Variants in ERI1 observed in about 807,000 individuals in gnomAD.
ERI1 encodes 3'-5' exoribonuclease 1.
ERI1 carries 39 observed loss-of-function variants against 39.7 expected under a neutral mutation model. The observed-to-expected ratio is 0.98, with a 90% CI of 0.76 to 1.28. The LOEUF (loss-of-function observed/expected upper bound fraction) is 1.28, where lower values mean the gene tolerates loss of function less well. ERI1 is among the 50% of genes most tolerant of loss of function. The pLI is 0.00. For missense variants in ERI1, 581 were observed against 416.9 expected (o/e 1.39, Z -3.43); for synonymous variants, 204 against 149.6 (o/e 1.36, Z -2.65).
chr8:9,017,394 T>C (rs1817419349), intron 4 of ERI1, among the ~76,000 whole-genome samples: 1 of 152,202 alleles, frequency 6.6e-6, no homozygotes. Flanking sequence ...TGGTAGGCAC[T>C]TTTTTCATTT....
chr8:9,051,333 A>G (rs1399225492), intron 3 of ERI1, among the ~76,000 whole-genome samples: 1 of 151,972 alleles, frequency 6.6e-6, no homozygotes, highest in Non-Finnish European at 1.5e-5. Flanking sequence ...TGAAACTGCT[A>G]ACATGCTCAA....
chr8:9,021,563 T>A (rs1384987994), intron 6 of ERI1, among the ~76,000 whole-genome samples: 1 of 152,164 alleles, frequency 6.6e-6, no homozygotes, highest in Non-Finnish European at 1.5e-5. Context: ...TTTTGCCGAT[T>A]GCTATAAAGC....
chr8:9,027,161 G>A (rs548252222), intron 6 of ERI1, among the ~76,000 whole-genome samples: 3,291 of 151,868 alleles, frequency 0.022, 88 homozygotes, highest in African/African-American at 0.068. Flanking sequence ...GTGTGTGTGT[G>A]TGTGTGTGTG....
intron 3 of ERI1, among the ~76,000 whole-genome samples, chr8:9,043,823 G>A (rs575229913): frequency 3.3e-5 from 5 of 152,152 alleles, no homozygotes; most frequent in Admixed American, 6.5e-5. Context: ...GAGTAGCTGG[G>A]ACTACAGGCC....
intron 3 of ERI1, among the ~76,000 whole-genome samples, chr8:9,077,714 C>T (rs1282345320): frequency 6.6e-6 from 1 of 152,200 alleles, no homozygotes; most frequent in Non-Finnish European, 1.5e-5. Flanking sequence ...GTCTATTTTC[C>T]TGAGTTAAGC....
At chr8:9,057,326 C>G (rs1798540953) in intron 3 of ERI1, among the ~76,000 whole-genome samples, 1 of 152,098 alleles carries the variant, frequency 6.6e-6, no homozygotes, top group African/African-American at 2.4e-5. Context: ...TACGTGTTAG[C>G]CACTAATTTT....
chr8:9,004,148 C>T lies in ERI1; in HGVS notation c.108+977C>T, dbSNP rs1476035990. 10 of 1,289,172 alleles carry T rather than the reference C, an allele frequency of 7.8e-6. No homozygotes were observed. The African/African-American group carries it at 1.1e-4, about 14-fold the overall frequency. The allele number at this position is 1,289,172 out of a possible 1,614,324, so 79.9% of individuals were successfully genotyped here. ...AGGATCTCTGTATGTTCCTTTTGCC[C>T]TGTGTGCACTTCCTTTGGATCCTTG... On this transcript the variant is annotated intron_variant, in intron 1 of 6. Coordinates refer to ENST00000250263, the MANE Select transcript of ERI1 (RefSeq NM_153332.4).
At chr8:9,047,960 T>C (rs560630038) in intron 3 of ERI1, among the ~76,000 whole-genome samples, 60 of 152,218 alleles carry the variant, frequency 3.9e-4, no homozygotes, top group Non-Finnish European at 7.8e-4. Context: ...GATTCTGTTA[T>C]TATGTCCATA....
intron 6 of ERI1, among the ~76,000 whole-genome samples, chr8:9,027,844 C>G (rs1438180104): frequency 6.6e-6 from 1 of 152,118 alleles, no homozygotes; most frequent in Non-Finnish European, 1.5e-5. Context: ...TCAATTACTG[C>G]ACTCCTTCCT....
At chr8:9,023,793 C>CTTTTTTTTTTTTT (rs3083379) in intron 6 of ERI1, among the ~76,000 whole-genome samples, 1 of 80,532 alleles carries the variant, frequency 1.2e-5, no homozygotes. Context: ...GTAAAAATGA[C>CTTTTTTTTTTTTT]TTTTTTTTTT....
At chr8:9,018,075 G>C (rs993337189) in intron 4 of ERI1, among the ~76,000 whole-genome samples, 4 of 152,136 alleles carry the variant, frequency 2.6e-5, no homozygotes, top group African/African-American at 9.7e-5. Flanking sequence ...ATTTTGGGAG[G>C]ATTATACTTT....
At chr8:9,020,764 C>A (rs1347904429) in intron 6 of ERI1, among the ~76,000 whole-genome samples, 1 of 152,122 alleles carries the variant, frequency 6.6e-6, no homozygotes, top group Non-Finnish European at 1.5e-5. Flanking sequence ...AATTTTACTT[C>A]ACATTTATCA....
At chr8:9,045,609 T>C (rs1460531001) in intron 3 of ERI1, among the ~76,000 whole-genome samples, 3 of 151,916 alleles carry the variant, frequency 2.0e-5, no homozygotes, top group Non-Finnish European at 2.9e-5. Flanking sequence ...TCAGCCTGGG[T>C]AACATAGCAA....
intron 3 of ERI1, among the ~76,000 whole-genome samples, chr8:9,014,877 A>G (rs1323439856): frequency 6.6e-6 from 1 of 151,950 alleles, no homozygotes; most frequent in Non-Finnish European, 1.5e-5. Flanking sequence ...TTGCTTTGTC[A>G]CCCAGGCTGG....
At chr8:9,013,251 G>A (rs916792631) in intron 3 of ERI1, among the ~76,000 whole-genome samples, 10 of 150,368 alleles carry the variant, frequency 6.7e-5, no homozygotes, top group Admixed American at 1.3e-4. Context: ...CTGAGCTCAG[G>A]CAATCCACCT....
chr8:9,019,101 G>C (rs1013826843), intron 5 of ERI1, among the ~76,000 whole-genome samples: 5 of 152,122 alleles, frequency 3.3e-5, no homozygotes, highest in African/African-American at 9.7e-5. Context: ...GCTTACCTTA[G>C]TGCTGAGCTT....
chr8:9,025,436 C>G (rs995047692), intron 6 of ERI1, among the ~76,000 whole-genome samples: 1 of 152,216 alleles, frequency 6.6e-6, no homozygotes, highest in Non-Finnish European at 1.5e-5. Context: ...TGAAAAATGT[C>G]TGTAAGGAGG....
chr8:9,040,942 C>T (rs909401765), intron 3 of ERI1, among the ~76,000 whole-genome samples: 2 of 152,186 alleles, frequency 1.3e-5, no homozygotes, highest in African/African-American at 4.8e-5. Context: ...ATTATTCCCA[C>T]CTCGGTCTAG....
At chr8:9,020,074 C>G (rs1013960369) in intron 5 of ERI1, among the ~76,000 whole-genome samples, 2 of 152,106 alleles carry the variant, frequency 1.3e-5, no homozygotes, top group Non-Finnish European at 2.9e-5. Flanking sequence ...TAATACTCAG[C>G]AAGATAGAAG....
Sources: allele counts gnomAD v4.1 joint callset (sites outside exome capture counted in the v4.1 genomes callset), GRCh38; gene constraint gnomAD v4.1.1; transcripts MANE v1.5; gene names NCBI Gene and HGNC (gene_info 2026-07-23, HGNC 2026-07-21).